Variants in PDE4B observed in about 807,000 individuals in gnomAD.
The protein encoded by PDE4B is 3',5'-cyclic-AMP phosphodiesterase 4B.
A neutral mutation model predicts 82.2 loss-of-function variants in PDE4B; 20 were observed. That is an observed-to-expected ratio of 0.24 (90% CI 0.17 to 0.35). The LOEUF is 0.35. PDE4B is among the 10% of genes least tolerant of loss of function. The probability of loss-of-function intolerance (pLI) is 1.00; values close to 1 mark genes in which losing one functional copy is unlikely to be tolerated. For missense variants in PDE4B, 655 were observed against 907.2 expected (o/e 0.72, Z 3.57); for synonymous variants, 320 against 318.9 (o/e 1.00, Z -0.04).
intron 3 of PDE4B, among the ~76,000 whole-genome samples, chr1:65,969,768 A>G (rs1650034346): frequency 6.6e-6 from 1 of 152,122 alleles, no homozygotes; most frequent in Non-Finnish European, 1.5e-5. Context: ...TAGGTCATAT[A>G]AATGGTATGA....
At chr1:66,269,649 G>A (rs1655318682) in intron 7 of PDE4B, among the ~76,000 whole-genome samples, 1 of 152,316 alleles carries the variant, frequency 6.6e-6, no homozygotes, top group Non-Finnish European at 1.5e-5. Flanking sequence ...AAAATGGGGT[G>A]CATGCATACA....
intron 3 of PDE4B, among the ~76,000 whole-genome samples, chr1:65,929,396 T>A (rs905895072): frequency 1.3e-5 from 2 of 152,230 alleles, no homozygotes; most frequent in African/African-American, 2.4e-5. Flanking sequence ...TCTTCCCACA[T>A]GTTCCTGTTC....
intron 3 of PDE4B, among the ~76,000 whole-genome samples, chr1:65,926,797 A>G (rs1294389984): frequency 1.3e-5 from 2 of 151,916 alleles, no homozygotes; most frequent in Non-Finnish European, 2.9e-5. Context: ...ACACACACAC[A>G]CACACCCCTT....
intron 7 of PDE4B, among the ~76,000 whole-genome samples, chr1:66,281,557 A>G (rs1239562365): frequency 1.3e-5 from 2 of 152,234 alleles, no homozygotes; most frequent in Non-Finnish European, 2.9e-5. Context: ...GGTGGATTCA[A>G]TCACTTCTGA....
At chr1:66,117,266 G>A (rs2503167) in intron 3 of PDE4B, among the ~76,000 whole-genome samples, 151,576 of 152,102 alleles carry the variant, frequency 1, 75,527 homozygotes, top group Middle Eastern at 1. Context: ...GAAAAAAAAA[G>A]TTGATGATCT....
chr1:65,922,624 C>A (rs185799249), intron 3 of PDE4B, among the ~76,000 whole-genome samples: 1 of 152,080 alleles, frequency 6.6e-6, no homozygotes, highest in Non-Finnish European at 1.5e-5. Context: ...AAGGCCTACC[C>A]CTACAAAACT....
At chr1:65,818,620 T>C (rs1220986840) in intron 1 of PDE4B, among the ~76,000 whole-genome samples, 1 of 150,684 alleles carries the variant, frequency 6.6e-6, no homozygotes, top group East Asian at 1.9e-4. Flanking sequence ...TAAGGGCTTA[T>C]TATACAATGA....
intron 3 of PDE4B, among the ~76,000 whole-genome samples, chr1:66,067,075 A>G (rs952935909): frequency 3.3e-5 from 5 of 152,080 alleles, no homozygotes; most frequent in African/African-American, 1.2e-4. Context: ...CATTTTCTTA[A>G]TCCAGTCTAT....
At chr1:65,803,508 A>G (rs773197817) in intron 1 of PDE4B, among the ~76,000 whole-genome samples, 1 of 152,224 alleles carries the variant, frequency 6.6e-6, no homozygotes, top group Non-Finnish European at 1.5e-5. Context: ...AAGTTCTTGC[A>G]TTGAAATATC....
intron 3 of PDE4B, among the ~76,000 whole-genome samples, chr1:66,158,759 A>G (rs1222898659): frequency 1.3e-5 from 2 of 152,228 alleles, no homozygotes; most frequent in Non-Finnish European, 1.5e-5. Flanking sequence ...CTATCCAATC[A>G]TAACACAAAA....
chr1:65,995,176 T>C (rs1292688677), intron 3 of PDE4B, among the ~76,000 whole-genome samples: 1 of 152,164 alleles, frequency 6.6e-6, no homozygotes, highest in Non-Finnish European at 1.5e-5. Flanking sequence ...TGATTCATTT[T>C]CACCCTTTTT....
chr1:66,217,272 A>G (rs1650537856), intron 3 of PDE4B, among the ~76,000 whole-genome samples: 1 of 152,116 alleles, frequency 6.6e-6, no homozygotes, highest in South Asian at 2.1e-4. Flanking sequence ...TCTGGCTGGG[A>G]TTGTAAATGA....
intron 3 of PDE4B, among the ~76,000 whole-genome samples, chr1:66,244,382 T>C (rs986661004): frequency 6.6e-6 from 1 of 152,232 alleles, no homozygotes; most frequent in African/African-American, 2.4e-5. Context: ...GAAATATGTG[T>C]CCTGATGAAG....
At position 65,967,721 on chromosome 1, in the gene PDE4B, T is replaced by G. The variant is rs193279946; in HGVS notation, c.281+48886T>G. Among the ~76,000 whole-genome samples the G allele has an allele frequency of 3.0e-3, 457 of 152,136 alleles. 3 individuals are homozygous for G. Among genetic ancestry groups the G allele is most frequent in the African/African-American group, 0.01 (430 of 41,528 alleles). On this transcript the variant is annotated intron_variant, in intron 3 of 16. Transcript: ENST00000341517. ...AGGATGAGTTCATGTCCTTTGCAGG[T>G]ACATGGATGAAGCTGGAAACCATCA...
intron 3 of PDE4B, among the ~76,000 whole-genome samples, chr1:66,178,081 T>A (rs1306100544): frequency 3.3e-5 from 5 of 151,930 alleles, no homozygotes; most frequent in African/African-American, 1.2e-4. Context: ...TATACATCTC[T>A]TATTCTAACT....
chr1:66,106,612 C>G (rs924953432), intron 3 of PDE4B, among the ~76,000 whole-genome samples: 17 of 151,602 alleles, frequency 1.1e-4, no homozygotes, highest in African/African-American at 3.6e-4. Context: ...GCCACAATTT[C>G]AGAGCCTGTT....
At chr1:66,117,341 C>T (rs943040421) in intron 3 of PDE4B, among the ~76,000 whole-genome samples, 4 of 152,222 alleles carry the variant, frequency 2.6e-5, no homozygotes, top group African/African-American at 9.6e-5. Context: ...GAAATTACTT[C>T]CCACCCTCTT....
intron 3 of PDE4B, among the ~76,000 whole-genome samples, chr1:66,003,063 GT>G (rs903657389): frequency 2.0e-5 from 3 of 151,498 alleles, no homozygotes; most frequent in African/African-American, 7.3e-5. Context: ...GCAGGAACTA[GT>G]TTTTTTTTAT....
chr1:66,186,527 G>A (rs1647219335), intron 3 of PDE4B, among the ~76,000 whole-genome samples: 1 of 152,166 alleles, frequency 6.6e-6, no homozygotes, highest in South Asian at 2.1e-4. Context: ...GTGGTTTGTA[G>A]TTCTCCTTGA....
Sources: gnomAD v4.1 joint callset for allele counts (sites outside exome capture counted in the v4.1 genomes callset) on GRCh38, gnomAD v4.1.1 for gene constraint, MANE v1.5 for transcripts, NCBI Gene and HGNC (gene_info 2026-07-23, HGNC 2026-07-21) for gene names.